PRKACB: variants seen among roughly 807,000 people sequenced by gnomAD.
PRKACB encodes the protein cAMP-dependent protein kinase catalytic subunit beta.
Under a neutral mutation model 51.4 loss-of-function variants are expected in PRKACB, and 16 were observed. The observed-to-expected ratio is 0.31, with a 90% CI of 0.21 to 0.47. PRKACB has a LOEUF of 0.47. PRKACB is among the 20% of genes least tolerant of loss of function. The pLI, the probability that PRKACB is intolerant of heterozygous loss-of-function variation, is 1.00. For missense variants in PRKACB, 309 were observed against 464.5 expected (o/e 0.67, Z 3.08); for synonymous variants, 147 against 154.4 (o/e 0.95, Z 0.35).
At chr1:84,224,488 CA>C (rs1674250639) in intron 9 of PRKACB, among the ~76,000 whole-genome samples, 1 of 152,182 alleles carries the variant, frequency 6.6e-6, no homozygotes, top group Admixed American at 6.5e-5. Context: ...CCTAAACCCT[CA>C]GGTGGCATAT....
chr1:84,193,558 T>G (rs1274484667), intron 5 of PRKACB, among the ~76,000 whole-genome samples: 1 of 152,198 alleles, frequency 6.6e-6, no homozygotes, highest in Non-Finnish European at 1.5e-5. Context: ...CAAAGTTCAT[T>G]GGCACTAGCA....
intron 9 of PRKACB, among the ~76,000 whole-genome samples, chr1:84,234,458 A>G (rs11163921): frequency 0.11 from 16,676 of 151,846 alleles, 1,391 homozygotes; most frequent in East Asian, 0.33. Context: ...CGAGCTTCCC[A>G]GCTGCTTTGT....
chr1:84,127,204 A>G (rs1182307790), intron 1 of PRKACB, among the ~76,000 whole-genome samples: 1 of 152,204 alleles, frequency 6.6e-6, no homozygotes, highest in African/African-American at 2.4e-5. Context: ...GAAGATAAAT[A>G]GGGAGGAAGA....
intron 2 of PRKACB, chr1:84,181,806 G>A: frequency 2.0e-6 from 2 of 1,023,316 alleles, no homozygotes; most frequent in Non-Finnish European, 2.7e-6. Context: ...AAGTCTGTAT[G>A]GCTTCTATGA....
At chr1:84,160,026 T>C (rs1429287105) in intron 1 of PRKACB, among the ~76,000 whole-genome samples, 1 of 152,226 alleles carries the variant, frequency 6.6e-6, no homozygotes, top group East Asian at 1.9e-4. Context: ...CAATGGATAT[T>C]GGTCTGTGGT....
intron 1 of PRKACB, among the ~76,000 whole-genome samples, chr1:84,096,376 C>A (rs1267013133): frequency 6.6e-6 from 1 of 152,092 alleles, no homozygotes; most frequent in African/African-American, 2.4e-5. Flanking sequence ...CATCTGAATG[C>A]TTCAAGAAGA....
chr1:84,147,669 G>A (rs1171905997), intron 1 of PRKACB, among the ~76,000 whole-genome samples: 1 of 151,828 alleles, frequency 6.6e-6, no homozygotes, highest in African/African-American at 2.4e-5. Context: ...CTAAGTGTAA[G>A]AAAAAAGTTG....
At chr1:84,198,886 A>G (rs1668987104) in intron 7 of PRKACB, among the ~76,000 whole-genome samples, 1 of 148,226 alleles carries the variant, frequency 6.7e-6, no homozygotes, top group Non-Finnish European at 1.5e-5. Context: ...ATATGTGTAT[A>G]TATGTGTATA....
chr1:84,101,233 A>G (rs963567928), intron 1 of PRKACB, among the ~76,000 whole-genome samples: 1 of 152,190 alleles, frequency 6.6e-6, no homozygotes, highest in African/African-American at 2.4e-5. Context: ...TGTACTTTAC[A>G]GGCTGAGTTT....
At chr1:84,205,664 A>C (rs1177255216) in intron 8 of PRKACB, among the ~76,000 whole-genome samples, 3 of 152,080 alleles carry the variant, frequency 2.0e-5, no homozygotes, top group African/African-American at 7.2e-5. Context: ...TTAAGTGATA[A>C]ATTCACTAAA....
rs111236075 is a variant in PRKACB at position 84,211,874 on chromosome 1, G to A, written c.907-2279G>A. ...CTGTGTCAAGAATAAAACTAGAGAA[G>A]GTAGAAGTTCACATATCTTATTATT... is the stretch of plus-strand genomic sequence containing the variant. On this transcript the variant is annotated intron_variant, in intron 8 of 9. Coordinates refer to ENST00000370685, the MANE Select transcript of PRKACB (RefSeq NM_182948.4). Among the ~76,000 whole-genome samples the A allele has an allele frequency of 2.4e-3, 368 of 152,156 alleles. 3 individuals are homozygous for A. The highest frequency in any genetic ancestry group is 8.5e-3 in the African/African-American group (353 of 41,508).
chr1:84,210,748 T>G (rs1020939359), intron 8 of PRKACB, among the ~76,000 whole-genome samples: 2 of 152,212 alleles, frequency 1.3e-5, no homozygotes, highest in Non-Finnish European at 2.9e-5. Flanking sequence ...GTCTCCAGGT[T>G]GATGTATTAC....
intron 3 of PRKACB, 31 bp downstream of exon 3, chr1:84,182,359 G>A (rs1186984308): frequency 2.0e-6 from 3 of 1,480,812 alleles, no homozygotes; most frequent in African/African-American, 1.4e-5. Context: ...TTACCTTCAG[G>A]GTAAACTTTA....
intron 1 of PRKACB, among the ~76,000 whole-genome samples, chr1:84,085,290 G>A (rs1174658131): frequency 6.6e-6 from 1 of 152,134 alleles, no homozygotes. Flanking sequence ...CTTTAACATA[G>A]ATGTTTAAAA....
intron 1 of PRKACB, among the ~76,000 whole-genome samples, chr1:84,091,035 T>A (rs1648425208): frequency 6.6e-6 from 1 of 152,084 alleles, no homozygotes; most frequent in African/African-American, 2.4e-5. Context: ...TTCCCTTCAC[T>A]TTCAGTTTTC....
At chr1:84,169,421 GA>G (rs745441502) in intron 1 of PRKACB, among the ~76,000 whole-genome samples, 13 of 151,586 alleles carry the variant, frequency 8.6e-5, no homozygotes, top group Admixed American at 5.9e-4. Context: ...AAAGTTGTAA[GA>G]AATAAACCTG....
intron 1 of PRKACB, among the ~76,000 whole-genome samples, chr1:84,165,817 G>A (rs1657254887): frequency 6.6e-6 from 1 of 151,702 alleles, no homozygotes; most frequent in South Asian, 2.1e-4. Flanking sequence ...TAATTCATTA[G>A]CATCTTTTGC....
At chr1:84,192,834 T>G (rs1382471065) in intron 5 of PRKACB, among the ~76,000 whole-genome samples, 3 of 152,186 alleles carry the variant, frequency 2.0e-5, no homozygotes, top group African/African-American at 7.2e-5. Context: ...AGAAAATATC[T>G]TGGCATGCCT....
At chr1:84,180,208 A>ATATATATG (rs933229907) in intron 2 of PRKACB, among the ~76,000 whole-genome samples, 8 of 129,936 alleles carry the variant, frequency 6.2e-5, no homozygotes, top group African/African-American at 1.9e-4. Flanking sequence ...ATATATATAT[A>ATATATATG]TGTATGATGG....
Sources: allele counts gnomAD v4.1 joint callset (sites outside exome capture counted in the v4.1 genomes callset), GRCh38; gene constraint gnomAD v4.1.1; transcripts MANE v1.5; gene names NCBI Gene and HGNC (gene_info 2026-07-23, HGNC 2026-07-21).